Variants in ASPG observed in about 807,000 individuals in gnomAD.
ASPG encodes 60 kDa lysophospholipase.
Under a neutral mutation model 63.2 loss-of-function variants are expected in ASPG, and 53 were observed. The ratio of observed to expected loss-of-function variants is 0.84; its 90% CI spans 0.67 to 1.05. The LOEUF is 1.05. ASPG is among the 50% of genes least tolerant of loss of function. The probability of loss-of-function intolerance (pLI) is 0.00; values close to 1 mark genes in which losing one functional copy is unlikely to be tolerated. For missense variants in ASPG, 741 were observed against 794.4 expected (o/e 0.93, Z 0.81); for synonymous variants, 370 against 355.0 (o/e 1.04, Z -0.48).
rs761912316 is a variant in ASPG at position 104,104,743 on chromosome 14, C to T, written c.1050+8C>T. On this transcript the variant is annotated splice_region_variant and intron_variant, in intron 9 of 15. Coordinates refer to ENST00000551177, the MANE Select transcript of ASPG (RefSeq NM_001080464.3). Reference sequence around the variant, plus strand: ...CTGGATGTCAGGAAGGAGGTGCGGGCGCTCTCGGGCTGTGGGCAACCCTCG... The same window carrying T: ...CTGGATGTCAGGAAGGAGGTGCGGGTGCTCTCGGGCTGTGGGCAACCCTCG... The T allele has an allele frequency of 9.5e-6, 15 of 1,579,482 alleles. No homozygotes were observed. Among genetic ancestry groups the T allele is most frequent in the Admixed American group, 3.5e-5 (2 of 56,796 alleles).
intron 1 of ASPG, 55 bp downstream of exon 1, chr14:104,085,907 C>A (rs1325109086): frequency 6.7e-7 from 1 of 1,498,630 alleles, no homozygotes; most frequent in East Asian, 2.6e-5. Flanking sequence ...CGACCGGGAG[C>A]CTCGGACCCT....
chr14:104,107,086 C>T (rs1302644899), intron 11 of ASPG, 96 bp from the exon 12 acceptor site: 1 of 1,456,502 alleles, frequency 6.9e-7, no homozygotes, highest in East Asian at 2.3e-5. Context: ...AGGGGCTGTG[C>T]TGGGCCCTAC....
intron 14 of ASPG, 158 bp from the exon 15 acceptor site, chr14:104,111,762 C>T (rs1596117409): frequency 7.5e-6 from 7 of 938,698 alleles, no homozygotes; most frequent in South Asian, 3.3e-5. Flanking sequence ...GTCCCCTTCC[C>T]GGGGCTCTGA....
In ASPG at chr14:104,110,406, C is replaced by T; in HGVS notation, c.1520+1091C>T. ...ACTTGGTCAAGATTTGCACTCCAGACAGGCCTTGCTGGCTCCATTGACAGA... is the reference window on the plus strand; with the variant it reads ...ACTTGGTCAAGATTTGCACTCCAGATAGGCCTTGCTGGCTCCATTGACAGA... On this transcript the variant is annotated intron_variant, in intron 13 of 15. Transcript: ENST00000551177. The surrounding 1 kb of genome is among the most constrained non-coding windows in gnomAD (Gnocchi z 4.7). 8.1e-6 allele frequency: 8 copies of T among 985,368 alleles called. No homozygotes were observed. The highest frequency in any genetic ancestry group is 9.6e-6 in the Non-Finnish European group (8 of 829,912). 61.0% of individuals were successfully genotyped at this position (985,368 alleles called of 1,614,324 possible). A position where few individuals can be genotyped will look rare whatever the true frequency, so the allele number is the denominator to read the frequency against.
At chr14:104,105,011 G>A in intron 9 of ASPG, 1 of 575,260 alleles carries the variant, frequency 1.7e-6, no homozygotes, top group South Asian at 2.2e-5. Flanking sequence ...CTGTCGCCAG[G>A]AAATCCTCTC....
rs767963985 is a variant in ASPG at position 104,109,244 on chromosome 14, T to G, written c.1449T>G (p.Ile483Met). The G allele has an allele frequency of 2.5e-6, 4 of 1,613,176 alleles. No individual in the cohort carries two copies. The change falls in exon 13 of 16, where the codon ATT becomes ATG. Residue 483 changes from isoleucine to methionine, a missense_variant. Physicochemically the swap from Ile to Met is conservative, Grantham distance 10 (BLOSUM62 1). Coordinates refer to ENST00000551177, the MANE Select transcript of ASPG (RefSeq NM_001080464.3). The surrounding 1 kb of genome is among the most constrained non-coding windows in gnomAD (Gnocchi z 4.8). ...TCTCACACAGGCATCCGGGTGTCAT[T>G]GGGTTGCTGCGGGAAGCCGGGGCCT... is the stretch of plus-strand genomic sequence containing the variant. The part of the protein sequence containing the change: ...LAVRGRHPGV[I>M]GLLREAGASL...
chr14:104,102,642 C>T (rs1290377132), intron 6 of ASPG, among the ~76,000 whole-genome samples: 1 of 152,190 alleles, frequency 6.6e-6, no homozygotes, highest in Non-Finnish European at 1.5e-5. Flanking sequence ...TGGAGAGGGG[C>T]AGAGGGAATG....
Position 104,114,903 on chromosome 14 carries a change from C to T in ASPG, c.*2359C>T, listed in dbSNP as rs1009122898. The stretch of plus-strand genomic sequence containing the variant: ...GCAGAGCTGGGCTGTGAATCAGGGC[C>T]GCCTTGTCTCTTGCTGTGGTGTGAG... On this transcript the variant is annotated 3_prime_UTR_variant, in exon 16 of 16. Coordinates refer to ENST00000551177, the MANE Select transcript of ASPG (RefSeq NM_001080464.3). 1.3e-5 allele frequency: 2 copies of T among 152,198 alleles called. No homozygotes were observed. The highest frequency in any genetic ancestry group is 1.9e-4 in the East Asian group (1 of 5,176). The allele number at this position is 152,198 out of a possible 1,614,324, so 9.4% of individuals were successfully genotyped here.
chr14:104,100,523 G>A (rs1030578869), intron 6 of ASPG, among the ~76,000 whole-genome samples: 4 of 152,194 alleles, frequency 2.6e-5, no homozygotes, highest in South Asian at 2.1e-4. Flanking sequence ...AAGCCTGTGC[G>A]CTGTCTCCTG....
In ASPG at chr14:104,104,325, C is replaced by T; in HGVS notation, c.775C>T (p.Pro259Ser). ...AALVRAFLQP[P>S]LKGVVMETFG... ...ACAGGTTCGGGCCTTCTTGCAGCCT[C>T]CCCTGAAGGGCGTGGTCATGGAGAC... The change falls in exon 8 of 16, where the codon CCC (proline) becomes TCC (serine). Residue 259 changes from proline to serine, a missense_variant. By Grantham distance (74) the Pro-to-Ser change is moderately conservative (BLOSUM62 -1). Coordinates refer to ENST00000551177, the MANE Select transcript of ASPG (RefSeq NM_001080464.3). 1 of 1,612,428 alleles carries T rather than the reference C, an allele frequency of 6.2e-7. No individual in the cohort carries two copies. Among genetic ancestry groups the T allele is most frequent in the Non-Finnish European group, 8.5e-7 (1 of 1,179,684 alleles).
Position 104,111,961 on chromosome 14 carries a change from G to C in ASPG, c.1662G>C (p.Gln554His). The change falls in exon 15 of 16, where the codon CAG (glutamine) becomes CAC (histidine). Residue 554 changes from glutamine (Q) to histidine (H), a missense_variant. By Grantham distance (24) the Gln-to-His change is conservative. Transcript: ENST00000551177. Reference sequence around the variant, plus strand: ...ACCTGGCAGTGGTGGCCTTTCTACAGAGCCTGGAGGGTGCGGTTGGTGCCC... The same window carrying C: ...ACCTGGCAGTGGTGGCCTTTCTACACAGCCTGGAGGGTGCGGTTGGTGCCC... ...AGNLAVVAFL[Q>H]SLEGAVGAQA... is the part of the protein sequence containing the mutation. 2 of 1,558,258 alleles carry C rather than the reference G, an allele frequency of 1.3e-6. No individual in the cohort carries two copies. The highest frequency in any genetic ancestry group is 1.7e-6 in the Non-Finnish European group (2 of 1,150,794).
chr14:104,092,954 C>G (rs2036416011), intron 2 of ASPG: 2 of 574,982 alleles, frequency 3.5e-6, no homozygotes, highest in Admixed American at 6.0e-5. Context: ...CCCACCTTCC[C>G]TCCCCACCCT....
At chr14:104,112,417 C>T in intron 15 of ASPG, 107 bp from the exon 16 acceptor site, 2 of 753,084 alleles carry the variant, frequency 2.7e-6, no homozygotes, top group South Asian at 2.9e-5. Flanking sequence ...GCTGGGTTTG[C>T]TCAGGCTCTT....
chr14:104,086,652 G>A (rs907525282), intron 1 of ASPG, among the ~76,000 whole-genome samples: 1 of 152,102 alleles, frequency 6.6e-6, no homozygotes, highest in Non-Finnish European at 1.5e-5. Context: ...ACTGCCTGGG[G>A]CCCCCAGATG....
intron 7 of ASPG, among the ~76,000 whole-genome samples, chr14:104,104,059 G>A (rs1007419272): frequency 1.8e-4 from 27 of 152,216 alleles, no homozygotes; most frequent in African/African-American, 5.3e-4. Context: ...TTTCCACGGC[G>A]TTCTGCCACA....
Position 104,110,836 on chromosome 14 carries a change from T to G in ASPG, c.1521-666T>G. The G allele has an allele frequency of 2.0e-6, 2 of 985,160 alleles. No homozygotes were observed. Among genetic ancestry groups the G allele is most frequent in the Non-Finnish European group, 2.4e-6 (2 of 829,850 alleles). 61.0% of individuals were successfully genotyped at this position (985,160 alleles called of 1,614,324 possible). A position where few individuals can be genotyped will look rare whatever the true frequency, so the allele number is the denominator to read the frequency against. ...GCTCCTGGCCTCCCCAGGTGGCGAG[T>G]GAGTTCTTCCCAGGAGGGTGGCAGG... On this transcript the variant is annotated intron_variant, in intron 13 of 15. Coordinates refer to ENST00000551177, the MANE Select transcript of ASPG (RefSeq NM_001080464.3). The surrounding 1 kb of genome is among the most constrained non-coding windows in gnomAD (Gnocchi z 4.7).
chr14:104,087,072 A>G (rs1032160820), intron 1 of ASPG, among the ~76,000 whole-genome samples: 2 of 150,680 alleles, frequency 1.3e-5, no homozygotes, highest in African/African-American at 4.9e-5. Flanking sequence ...CGGTGCTCTC[A>G]GATTCCACCC....
intron 8 of ASPG, 38 bp from the exon 9 acceptor site, chr14:104,104,584 T>C: frequency 6.3e-7 from 1 of 1,583,840 alleles, no homozygotes; most frequent in East Asian, 2.3e-5. Context: ...GGGGCCGTGG[T>C]GAGTCGCCCT....
Position 104,105,161 on chromosome 14 carries a change from C to T in ASPG, c.1051-167C>T, listed in dbSNP as rs553106877. ...GGTAGGGCCAGGGAGTGGGGCTGGC[C>T]TTGGGAGGGGACCCAGCCCGCTCTG... On this transcript the variant is annotated intron_variant, in intron 9 of 15. Transcript: ENST00000551177. The T allele has an allele frequency of 5.1e-4, 549 of 1,077,074 alleles. 6 individuals are homozygous for T. In the African/African-American group the frequency reaches 7.8e-3, roughly 15 times the overall value. 66.7% of individuals were successfully genotyped at this position (1,077,074 alleles called of 1,614,324 possible). A position where few individuals can be genotyped will look rare whatever the true frequency, so the allele number is the denominator to read the frequency against.
Sources: allele counts gnomAD v4.1 joint callset (sites outside exome capture counted in the v4.1 genomes callset), GRCh38; gene constraint gnomAD v4.1.1; non-coding constraint Gnocchi (gnomAD v3.1); transcripts MANE v1.5; gene names NCBI Gene and HGNC (gene_info 2026-07-23, HGNC 2026-07-21).